Variants in KCNH8 observed in about 807,000 individuals in gnomAD.
The protein encoded by KCNH8 is potassium voltage-gated channel subfamily H member 8.
In KCNH8, 70 loss-of-function variants were observed where a neutral mutation model predicts 103.6. That is an observed-to-expected ratio of 0.68 (90% CI 0.56 to 0.82). The LOEUF (loss-of-function observed/expected upper bound fraction) is 0.82, where lower values mean the gene tolerates loss of function less well. Ranked by LOEUF, KCNH8 falls within the 40% of genes least tolerant of loss-of-function variation. The probability of loss-of-function intolerance (pLI) is 0.00; values close to 1 mark genes in which losing one functional copy is unlikely to be tolerated. For synonymous variants in KCNH8, 498 were observed against 489.4 expected (o/e 1.02, Z -0.23); for missense variants, 1,217 against 1,329.9 (o/e 0.92, Z 1.32).
intron 11 of KCNH8, among the ~76,000 whole-genome samples, chr3:19,482,193 C>T (rs1360760965): frequency 6.6e-6 from 1 of 152,290 alleles, no homozygotes; most frequent in Non-Finnish European, 1.5e-5. Flanking sequence ...CAGTGCTTTT[C>T]CATACAATGT....
intron 5 of KCNH8, among the ~76,000 whole-genome samples, chr3:19,375,893 G>A (rs1030435281): frequency 2.0e-5 from 3 of 152,182 alleles, no homozygotes; most frequent in Non-Finnish European, 2.9e-5. Flanking sequence ...CCCTTGCTGG[G>A]GGGTGCCTCC....
chr3:19,285,071 A>G (rs546964284), intron 3 of KCNH8, among the ~76,000 whole-genome samples: 1 of 151,970 alleles, frequency 6.6e-6, no homozygotes, highest in Non-Finnish European at 1.5e-5. Context: ...GGAGTGGTTC[A>G]GAGGGAATTG....
intron 11 of KCNH8, among the ~76,000 whole-genome samples, chr3:19,465,689 G>C (rs1030891766): frequency 6.6e-6 from 1 of 151,442 alleles, no homozygotes; most frequent in Non-Finnish European, 1.5e-5. Context: ...CATTCTAGAT[G>C]CCATTAAGAA....
Position 19,440,506 on chromosome 3 carries a change from C to T in KCNH8, c.1375+2145C>T, listed in dbSNP as rs1039156333. Among the ~76,000 whole-genome samples, 56 of 152,222 alleles carry T rather than the reference C, an allele frequency of 3.7e-4. 1 individual carries two copies. The highest frequency in any genetic ancestry group is 2.2e-4 in the Non-Finnish European group (15 of 68,012). ...TCACATGGTGGCAGGCAAGAGAGCACGTGCAGGGGAACTGCCCTTTATAAA... is the reference window on the plus strand; with the variant it reads ...TCACATGGTGGCAGGCAAGAGAGCATGTGCAGGGGAACTGCCCTTTATAAA... On this transcript the variant is annotated intron_variant, in intron 8 of 15. Coordinates refer to ENST00000328405, the MANE Select transcript of KCNH8 (RefSeq NM_144633.3).
rs947265037 is a variant in KCNH8, at chr3:19,308,719, C to T, written c.442+27390C>T. Among the ~76,000 whole-genome samples, 59 of 12,228 alleles carry T rather than the reference C, an allele frequency of 4.8e-3. 3 individuals are homozygous for T. Among genetic ancestry groups the T allele is most frequent in the African/African-American group, 8.4e-3 (18 of 2,142 alleles). 8.0% of individuals were successfully genotyped at this position (12,228 alleles called of 152,430 possible). On this transcript the variant is annotated intron_variant, in intron 3 of 15. Coordinates refer to ENST00000328405, the MANE Select transcript of KCNH8 (RefSeq NM_144633.3). ...CTCTCTCTCTCTCTCTCTCTCTCTC[C>T]CCCTCTCTCCCTCTCTCCCTCTCTC...
chr3:19,484,316 TAGAAC>T (rs972948441), intron 11 of KCNH8, among the ~76,000 whole-genome samples: 3 of 152,254 alleles, frequency 2.0e-5, no homozygotes, highest in Admixed American at 2.0e-4. Flanking sequence ...ATAGTAACTA[TAGAAC>T]AGAAAGATTG....
At chr3:19,258,663 C>T (rs1379596292) in intron 2 of KCNH8, among the ~76,000 whole-genome samples, 1 of 151,730 alleles carries the variant, frequency 6.6e-6, no homozygotes, top group Admixed American at 6.6e-5. Flanking sequence ...GAAGATTGAA[C>T]TTTATCACAT....
chr3:19,504,149 T>C (rs560318717), intron 11 of KCNH8, among the ~76,000 whole-genome samples: 136 of 152,184 alleles, frequency 8.9e-4, no homozygotes, highest in African/African-American at 3.1e-3. Context: ...ATGCAGAAGA[T>C]TGGAACTGGA....
At chr3:19,197,602 A>T (rs767367165) in intron 1 of KCNH8, among the ~76,000 whole-genome samples, 5 of 151,462 alleles carry the variant, frequency 3.3e-5, no homozygotes, top group Non-Finnish European at 7.4e-5. Flanking sequence ...CCTGGCTTCA[A>T]ATCCCAACTT....
chr3:19,464,548 C>A (rs1054887675), intron 11 of KCNH8, among the ~76,000 whole-genome samples: 2 of 151,896 alleles, frequency 1.3e-5, no homozygotes, highest in South Asian at 2.1e-4. Context: ...AAATGAGGAA[C>A]TTTTATTCAT....
intron 11 of KCNH8, among the ~76,000 whole-genome samples, chr3:19,469,298 C>T (rs1261795248): frequency 6.6e-6 from 1 of 152,174 alleles, no homozygotes; most frequent in Non-Finnish European, 1.5e-5. Context: ...GAAGCAAAAA[C>T]ACTTCCATGA....
chr3:19,400,966 C>T (rs188958103), intron 7 of KCNH8, among the ~76,000 whole-genome samples: 5 of 151,928 alleles, frequency 3.3e-5, no homozygotes, highest in Admixed American at 1.3e-4. Flanking sequence ...CTTGTAGATT[C>T]GCATTCTTAA....
intron 3 of KCNH8, among the ~76,000 whole-genome samples, chr3:19,306,187 G>A (rs2065127778): frequency 6.6e-6 from 1 of 152,004 alleles, no homozygotes; most frequent in Non-Finnish European, 1.5e-5. Context: ...GTCACATTCA[G>A]AATTCACCGA....
chr3:19,323,313 G>T (rs1157833362), intron 3 of KCNH8, among the ~76,000 whole-genome samples: 1 of 152,010 alleles, frequency 6.6e-6, no homozygotes, highest in African/African-American at 2.4e-5. Flanking sequence ...GCTGGGCGTG[G>T]TGGTGGGCAC....
chr3:19,443,865 A>G (rs535953096), intron 8 of KCNH8, among the ~76,000 whole-genome samples: 18 of 152,266 alleles, frequency 1.2e-4, no homozygotes, highest in Non-Finnish European at 2.2e-4. Context: ...TATACAGAAA[A>G]TTACAAAACA....
chr3:19,298,508 T>C (rs2065023208), intron 3 of KCNH8, among the ~76,000 whole-genome samples: 2 of 152,084 alleles, frequency 1.3e-5, no homozygotes, highest in Non-Finnish European at 2.9e-5. Flanking sequence ...TATAAAGAAA[T>C]CAATTGTGAA....
chr3:19,502,444 A>T (rs1427650965), intron 11 of KCNH8, among the ~76,000 whole-genome samples: 3 of 152,130 alleles, frequency 2.0e-5, no homozygotes, highest in East Asian at 1.9e-4. Context: ...TATGGAACCG[A>T]AAAAGAGCCC....
intron 5 of KCNH8, among the ~76,000 whole-genome samples, chr3:19,348,587 C>G (rs1464603931): frequency 1.3e-5 from 2 of 152,016 alleles, no homozygotes; most frequent in Non-Finnish European, 2.9e-5. Flanking sequence ...ATTTTCCTGT[C>G]CCTTAAATCT....
At chr3:19,212,353 G>A (rs1286272473) in intron 1 of KCNH8, among the ~76,000 whole-genome samples, 1 of 152,044 alleles carries the variant, frequency 6.6e-6, no homozygotes, top group East Asian at 1.9e-4. Flanking sequence ...AACATACCTG[G>A]CAACTCTCTT....
Sources: gnomAD v4.1 joint callset for allele counts (sites outside exome capture counted in the v4.1 genomes callset) on GRCh38, gnomAD v4.1.1 for gene constraint, MANE v1.5 for transcripts, NCBI Gene and HGNC (gene_info 2026-07-23, HGNC 2026-07-21) for gene names.